GLDN: variants seen among roughly 807,000 people sequenced by gnomAD.
GLDN encodes the protein gliomedin.
In GLDN, 47 loss-of-function variants were observed where a neutral mutation model predicts 56.5. The ratio of observed to expected loss-of-function variants is 0.83; its 90% CI spans 0.66 to 1.06. The LOEUF is 1.06. Among genes scored for constraint, GLDN ranks in the 50% least tolerant of loss-of-function variants. The probability of loss-of-function intolerance (pLI) is 0.00; values close to 1 mark genes in which losing one functional copy is unlikely to be tolerated. For missense variants in GLDN, 782 were observed against 714.3 expected (o/e 1.09, Z -1.08); for synonymous variants, 332 against 278.8 (o/e 1.19, Z -1.90).
chr15:51,410,342 G>C (rs1336936301), downstream of GLDN, among the ~76,000 whole-genome samples: 2 of 152,176 alleles, frequency 1.3e-5, no homozygotes, highest in South Asian at 4.1e-4. Context: ...ATAGCCTTCA[G>C]CTGTCAGCCC....
intron 2 of GLDN, among the ~76,000 whole-genome samples, chr15:51,377,784 GT>G (rs1345326731): frequency 6.6e-6 from 1 of 152,174 alleles, no homozygotes; most frequent in Non-Finnish European, 1.5e-5. Context: ...ATTCCCATTA[GT>G]TTTTAAAAGG....
chr15:51,377,221 A>G, intron 1 of GLDN: 1 of 556,162 alleles, frequency 1.8e-6, no homozygotes, highest in Non-Finnish European at 3.2e-6. Context: ...TGACTGGACA[A>G]ATGAGGTTTG....
In GLDN at chr15:51,358,485, G is replaced by A. The variant is rs1042681203; in HGVS notation, c.363+16438G>A. Among the ~76,000 whole-genome samples the A allele has an allele frequency of 7.2e-5, 11 of 152,144 alleles. No individual in the cohort carries two copies. In the East Asian group the frequency reaches 1.2e-3, roughly 16 times the overall value. ...GGAGCCACTAAAATCCAGCAGTCCC[G>A]GTCCCCTTTTCTGTGTGGCTAAAAA... On this transcript the variant is annotated intron_variant, in intron 1 of 9. Transcript: ENST00000335449.
At chr15:51,397,118 G>A (rs1449986734) in intron 5 of GLDN, among the ~76,000 whole-genome samples, 2 of 152,110 alleles carry the variant, frequency 1.3e-5, no homozygotes, top group Non-Finnish European at 2.9e-5. Context: ...TGGAGAGGGC[G>A]TAGGAGGTTG....
intron 4 of GLDN, among the ~76,000 whole-genome samples, chr15:51,387,974 A>G (rs1334866961): frequency 1.3e-5 from 2 of 152,188 alleles, no homozygotes; most frequent in East Asian, 3.9e-4. Flanking sequence ...CAAACAGGCC[A>G]AGCTCACCCT....
chr15:51,344,386 T>C (rs1292918364), intron 1 of GLDN, among the ~76,000 whole-genome samples: 1 of 152,258 alleles, frequency 6.6e-6, no homozygotes, highest in African/African-American at 2.4e-5. Flanking sequence ...GAAAAGCTTT[T>C]TAATTTATGA....
At chr15:51,377,174 A>G (rs1323056013) in intron 1 of GLDN, 1 of 484,244 alleles carries the variant, frequency 2.1e-6, no homozygotes, top group East Asian at 3.4e-5. Context: ...CATCACCACA[A>G]ACACGAAGTC....
intron 9 of GLDN, 54 bp from the exon 10 acceptor site, chr15:51,404,223 C>T: frequency 7.2e-7 from 1 of 1,381,460 alleles, no homozygotes; most frequent in South Asian, 1.4e-5. Flanking sequence ...TAATAAACCA[C>T]CTGTCCACAG....
At chr15:51,382,458 T>C (rs1272907539) in intron 2 of GLDN, among the ~76,000 whole-genome samples, 1 of 152,024 alleles carries the variant, frequency 6.6e-6, no homozygotes, top group Non-Finnish European at 1.5e-5. Context: ...CATTCCAATA[T>C]TGGTAATCAT....
rs76233942 is a variant in GLDN, at chr15:51,377,507, T to C, written c.415+7T>C. The C allele has an allele frequency of 0.047, 75,302 of 1,613,124 alleles. 4,673 individuals carry two copies. Among genetic ancestry groups the C allele is most frequent in the African/African-American group, 0.27 (19,924 of 74,918 alleles). ...AAGGGCATCTGCCTCACAGGTAGGCTGGCCGCTGAGCAGAGCCGCTCACAC... is the reference window on the plus strand; with the variant it reads ...AAGGGCATCTGCCTCACAGGTAGGCCGGCCGCTGAGCAGAGCCGCTCACAC... On this transcript the variant is annotated splice_region_variant and intron_variant, in intron 2 of 9. Transcript: ENST00000335449.
intron 1 of GLDN, among the ~76,000 whole-genome samples, chr15:51,371,196 A>G (rs546467672): frequency 6.6e-6 from 1 of 152,320 alleles, no homozygotes; most frequent in Admixed American, 6.5e-5. Context: ...TTCGTCACTT[A>G]ACACCATGCC....
chr15:51,383,941 G>T (rs757923985), intron 4 of GLDN, 49 bp downstream of exon 4: 8 of 1,344,376 alleles, frequency 6.0e-6, no homozygotes, highest in Non-Finnish European at 8.4e-6. Context: ...TTATCTCCAT[G>T]ATTGCATTTG....
At chr15:51,409,714 T>G (rs2038445633), downstream of GLDN, among the ~76,000 whole-genome samples, 1 of 152,206 alleles carries the variant, frequency 6.6e-6, no homozygotes, top group Non-Finnish European at 1.5e-5. Flanking sequence ...CACTGTCATT[T>G]TAAAGTCTAG....
intron 1 of GLDN, among the ~76,000 whole-genome samples, chr15:51,367,644 G>A (rs985981232): frequency 6.6e-6 from 1 of 152,178 alleles, no homozygotes. Flanking sequence ...TTGAAAGGCA[G>A]GCTGGCGTCC....
At chr15:51,367,302 C>A (rs1313192044) in intron 1 of GLDN, 1 of 152,246 alleles carries the variant, frequency 6.6e-6, no homozygotes, top group Admixed American at 6.5e-5. Context: ...GCCCTGATTT[C>A]AACTGAAAGT....
chr15:51,411,473 A>G (rs931437651), downstream of GLDN, among the ~76,000 whole-genome samples: 3 of 152,180 alleles, frequency 2.0e-5, no homozygotes, highest in Non-Finnish European at 2.9e-5. Flanking sequence ...TTTGGAAGTA[A>G]AGGGGAAATT....
chr15:51,379,797 G>C (rs2037716264), intron 2 of GLDN, among the ~76,000 whole-genome samples: 1 of 152,192 alleles, frequency 6.6e-6, no homozygotes. Context: ...AATTTGCAGG[G>C]CCCAGTGCAA....
chr15:51,407,360 T>C lies in GLDN; in HGVS notation c.*2606T>C, dbSNP rs1483830582. On this transcript the variant is annotated 3_prime_UTR_variant, in exon 10 of 10. Coordinates refer to ENST00000335449, the MANE Select transcript of GLDN (RefSeq NM_181789.4). ...TAAAATAGAGTATACAACTGAATGTTTTTAAGTCAAGATACTGTTTTAGGA... is the reference window on the plus strand; with the variant it reads ...TAAAATAGAGTATACAACTGAATGTCTTTAAGTCAAGATACTGTTTTAGGA... 1 of 152,228 alleles carries C rather than the reference T, an allele frequency of 6.6e-6. No individual in the cohort carries two copies. The highest frequency in any genetic ancestry group is 2.4e-5 in the African/African-American group (1 of 41,462). 9.4% of individuals were successfully genotyped at this position (152,228 alleles called of 1,614,324 possible). A position where few individuals can be genotyped will look rare whatever the true frequency, so the allele number is the denominator to read the frequency against.
intron 1 of GLDN, among the ~76,000 whole-genome samples, chr15:51,346,242 C>T (rs982302300): frequency 3.3e-5 from 5 of 151,718 alleles, no homozygotes; most frequent in African/African-American, 4.8e-5. Context: ...GCAAGGAAAC[C>T]GCTGAAAAAG....
Sources: gnomAD v4.1 joint callset for allele counts (sites outside exome capture counted in the v4.1 genomes callset) on GRCh38, gnomAD v4.1.1 for gene constraint, MANE v1.5 for transcripts, NCBI Gene and HGNC (gene_info 2026-07-23, HGNC 2026-07-21) for gene names.